Variants in ENTREP2 observed in about 807,000 individuals in gnomAD.
ENTREP2 encodes the protein protein ENTREP2.
chr15:29,265,166 T>C, the ENTREP2 span: 1 of 152,062 alleles, frequency 6.6e-6, no homozygotes, highest in Admixed American at 6.6e-5. Context: ...ACAGCAAACA[T>C]CACACTCTAT....
At chr15:29,633,781 TG>T in the ENTREP2 span, among the ~76,000 whole-genome samples, 2 of 131,418 alleles carry the variant, frequency 1.5e-5, no homozygotes. Context: ...GCCAAAATGG[TG>T]AAACTGTCTC....
the ENTREP2 span, among the ~76,000 whole-genome samples, chr15:29,662,835 C>T: frequency 6.6e-6 from 1 of 152,164 alleles, no homozygotes; most frequent in African/African-American, 2.4e-5. Flanking sequence ...ATTCTCCTGC[C>T]TCCGCCTCCT....
the ENTREP2 span, among the ~76,000 whole-genome samples, chr15:29,454,444 T>C: frequency 6.6e-6 from 1 of 152,252 alleles, no homozygotes; most frequent in Admixed American, 6.5e-5. Context: ...CCCCTTATTA[T>C]GACTTCCATT....
chr15:29,556,575 T>A, the ENTREP2 span, among the ~76,000 whole-genome samples: 1 of 152,174 alleles, frequency 6.6e-6, no homozygotes, highest in African/African-American at 2.4e-5. Context: ...TTGCCAAGAA[T>A]AATAAAAACA....
At chr15:29,654,820 G>C in the ENTREP2 span, among the ~76,000 whole-genome samples, 1 of 152,092 alleles carries the variant, frequency 6.6e-6, no homozygotes, top group Admixed American at 6.6e-5. Flanking sequence ...TTTGTGTCCT[G>C]ACTAATACCT....
At chr15:29,660,156 A>C in the ENTREP2 span, among the ~76,000 whole-genome samples, 1 of 152,204 alleles carries the variant, frequency 6.6e-6, no homozygotes, top group East Asian at 1.9e-4. Context: ...TTTTGGCTTG[A>C]GCTATTATAA....
chr15:29,465,921 G>A, the ENTREP2 span, among the ~76,000 whole-genome samples: 1 of 152,180 alleles, frequency 6.6e-6, no homozygotes, highest in African/African-American at 2.4e-5. Context: ...CTTTGTTTGT[G>A]GCCTGAGATC....
At chr15:29,413,880 C>A in the ENTREP2 span, among the ~76,000 whole-genome samples, 3 of 152,144 alleles carry the variant, frequency 2.0e-5, no homozygotes, top group Non-Finnish European at 4.4e-5. Flanking sequence ...TTTAAACCAA[C>A]AAAGATCAAA....
At chr15:29,624,871 TTGTGTGTGTGTG>T in the ENTREP2 span, among the ~76,000 whole-genome samples, 52 of 143,718 alleles carry the variant, frequency 3.6e-4, no homozygotes, top group African/African-American at 9.8e-4. Flanking sequence ...CTGCATTAAT[TTGTGTGTGTGTG>T]TGTGTGTGTG....
the ENTREP2 span, among the ~76,000 whole-genome samples, chr15:29,409,816 T>A: frequency 6.6e-6 from 1 of 152,094 alleles, no homozygotes. Context: ...TATAACTAGT[T>A]TCAGTGTTCT....
chr15:29,403,298 C>G, the ENTREP2 span, among the ~76,000 whole-genome samples: 10 of 152,090 alleles, frequency 6.6e-5, no homozygotes, highest in African/African-American at 1.2e-4. Context: ...CCTCTGCCCC[C>G]CTCCCTTTCT....
chr15:29,320,335 A>G, the ENTREP2 span, among the ~76,000 whole-genome samples: 3 of 152,166 alleles, frequency 2.0e-5, no homozygotes, highest in African/African-American at 7.2e-5. Flanking sequence ...AACAAGAGAA[A>G]TAGGTGAATT....
At chr15:29,143,227 A>C in the ENTREP2 span, among the ~76,000 whole-genome samples, 1 of 152,252 alleles carries the variant, frequency 6.6e-6, no homozygotes, top group Non-Finnish European at 1.5e-5. Context: ...TGAATGAGTG[A>C]GCAAAGAAGT....
chr15:29,394,657 C>T, the ENTREP2 span, among the ~76,000 whole-genome samples: 125,207 of 152,050 alleles, frequency 0.82, 51,641 homozygotes, highest in African/African-American at 0.86. Flanking sequence ...GCAAACATTC[C>T]CCTCATCCAT....
At chr15:29,658,432 C>T in the ENTREP2 span, among the ~76,000 whole-genome samples, 6 of 151,936 alleles carry the variant, frequency 3.9e-5, no homozygotes, top group Admixed American at 6.6e-5. Flanking sequence ...GGATAATTGA[C>T]GAATACAACT....
At chr15:29,511,805 C>T in the ENTREP2 span, among the ~76,000 whole-genome samples, 1 of 147,088 alleles carries the variant, frequency 6.8e-6, no homozygotes, top group Non-Finnish European at 1.5e-5. Flanking sequence ...ACCCCTTACC[C>T]CAGCATATCT....
At chr15:29,656,828 C>T in the ENTREP2 span, among the ~76,000 whole-genome samples, 1 of 152,126 alleles carries the variant, frequency 6.6e-6, no homozygotes, top group Non-Finnish European at 1.5e-5. Context: ...ACCCTATGAC[C>T]CTCTAATCTC....
the ENTREP2 span, among the ~76,000 whole-genome samples, chr15:29,306,985 C>G: frequency 6.6e-6 from 1 of 151,934 alleles, no homozygotes; most frequent in Non-Finnish European, 1.5e-5. Flanking sequence ...TGAGATCAGG[C>G]AATCCACCCT....
chr15:29,496,249 C>T, the ENTREP2 span, among the ~76,000 whole-genome samples: 4 of 151,892 alleles, frequency 2.6e-5, no homozygotes. Flanking sequence ...CTTTTTATAT[C>T]CTGCAACTTT....
Sources: allele counts gnomAD v4.1 joint callset (sites outside exome capture counted in the v4.1 genomes callset), GRCh38; gene constraint gnomAD v4.1.1; transcripts MANE v1.5; gene names NCBI Gene and HGNC (gene_info 2026-07-23, HGNC 2026-07-21).